The following SEMA5A variants were observed in gnomAD, a reference collection of about 807,000 sequenced individuals.
SEMA5A encodes the protein semaphorin-5A.
SEMA5A carries 55 observed loss-of-function variants against 135.5 expected under a neutral mutation model. The ratio of observed to expected loss-of-function variants is 0.41; its 90% CI spans 0.33 to 0.51. The LOEUF (loss-of-function observed/expected upper bound fraction) is 0.51, where lower values mean the gene tolerates loss of function less well. Among genes scored for constraint, SEMA5A ranks in the 20% least tolerant of loss-of-function variants. The pLI is 0.37. For missense variants in SEMA5A, 1,290 were observed against 1,419.9 expected (o/e 0.91, Z 1.47); for synonymous variants, 580 against 546.5 (o/e 1.06, Z -0.85).
In SEMA5A at chr5:9,122,637, C is replaced by A; in HGVS notation, c.1781+19G>T. 1.3e-6 allele frequency: 2 copies of A among 1,550,412 alleles called. No individual in the cohort carries two copies. Among genetic ancestry groups the A allele is most frequent in the Non-Finnish European group, 8.8e-7 (1 of 1,142,442 alleles). ...GTTTAATACACAGCAGCACAACTGG[C>A]GTGTTCTGAGCGGCACACCTGGAAC... On this transcript the variant is annotated intron_variant, in intron 14 of 22. Coordinates refer to ENST00000382496, the MANE Select transcript of SEMA5A (RefSeq NM_003966.3).
intron 12 of SEMA5A, among the ~76,000 whole-genome samples, chr5:9,148,596 C>T (rs1001522768): frequency 1.3e-5 from 2 of 152,144 alleles, no homozygotes; most frequent in Non-Finnish European, 2.9e-5. Flanking sequence ...GCTTTCTGCC[C>T]CTTCATATAC....
intron 2 of SEMA5A, among the ~76,000 whole-genome samples, chr5:9,426,244 T>C (rs1757643147): frequency 6.6e-6 from 1 of 151,744 alleles, no homozygotes; most frequent in Non-Finnish European, 1.5e-5. Flanking sequence ...AAGACCACGG[T>C]GAAACCCCGT....
chr5:9,402,748 G>A (rs1756715303), intron 2 of SEMA5A, among the ~76,000 whole-genome samples: 2 of 152,212 alleles, frequency 1.3e-5, no homozygotes, highest in African/African-American at 4.8e-5. Flanking sequence ...TACACCATCA[G>A]AACTGTATTA....
intron 11 of SEMA5A, among the ~76,000 whole-genome samples, chr5:9,182,132 C>T (rs1307816944): frequency 1.3e-5 from 2 of 149,320 alleles, no homozygotes; most frequent in Admixed American, 6.7e-5. Context: ...AATGCAACTG[C>T]TTGTTTTATT....
rs1735697341 is a variant in SEMA5A at position 9,037,191 on chromosome 5, GC to G, written c.*5705del. 6.6e-6 allele frequency: 1 copy of G among 152,152 alleles called. No individual in the cohort carries two copies. The highest frequency in any genetic ancestry group is 1.5e-5 in the Non-Finnish European group (1 of 68,026). The allele number at this position is 152,152 out of a possible 1,614,324, so 9.4% of individuals were successfully genotyped here. A position where few individuals can be genotyped will look rare whatever the true frequency, so the allele number is the denominator to read the frequency against. On this transcript the variant is annotated 3_prime_UTR_variant, in exon 23 of 23. Coordinates refer to ENST00000382496, the MANE Select transcript of SEMA5A (RefSeq NM_003966.3). The stretch of plus-strand genomic sequence containing the variant: ...CTTTCCTCTTTCCAGATCTGAAAGT[GC>G]CCTTGACTAGTTCCTGCCATTGCGC...
At chr5:9,152,695 T>C (rs1742695146) in intron 12 of SEMA5A, among the ~76,000 whole-genome samples, 1 of 152,222 alleles carries the variant, frequency 6.6e-6, no homozygotes, top group Non-Finnish European at 1.5e-5. Context: ...CTCTATATAT[T>C]ATCCTATTTG....
intron 1 of SEMA5A, among the ~76,000 whole-genome samples, chr5:9,461,793 TA>T (rs1416836891): frequency 6.6e-6 from 1 of 152,228 alleles, no homozygotes; most frequent in African/African-American, 2.4e-5. Context: ...TTCTTTTATT[TA>T]AAAAACTATG....
chr5:9,074,894 A>C (rs549649458), intron 16 of SEMA5A, among the ~76,000 whole-genome samples: 18 of 152,188 alleles, frequency 1.2e-4, no homozygotes, highest in African/African-American at 4.3e-4. Context: ...AGCCACCCCA[A>C]ATAAACACCT....
chr5:9,213,488 C>T (rs1211449521), intron 8 of SEMA5A, among the ~76,000 whole-genome samples: 2 of 152,122 alleles, frequency 1.3e-5, no homozygotes, highest in Admixed American at 1.3e-4. Context: ...GGCTTGGGTT[C>T]CATTAAGAAG....
intron 3 of SEMA5A, among the ~76,000 whole-genome samples, chr5:9,374,357 C>T (rs559976074): frequency 6.9e-4 from 102 of 147,444 alleles, no homozygotes; most frequent in African/African-American, 2.5e-3. Flanking sequence ...GAAGACGTTC[C>T]GTTACCATCC....
In SEMA5A at chr5:9,154,664, G is replaced by A. The variant is rs768618672; in HGVS notation, c.1305C>T (p.Pro435=). The change falls in exon 12 of 23, where the codon CCC becomes CCT. Residue 435 remains proline, a synonymous_variant. Coordinates refer to ENST00000382496, the MANE Select transcript of SEMA5A (RefSeq NM_003966.3). ...AACAGCTGCTTGAGGTCTGATTCAG[G>A]GGTACCCGCACTTTCTTAATGGTTC... ...DYGTIKKVRV[P]LNQTSSSCLL... The A allele has an allele frequency of 9.9e-6, 16 of 1,613,904 alleles. No homozygotes were observed. Among genetic ancestry groups the A allele is most frequent in the South Asian group, 2.2e-5 (2 of 91,066 alleles).
intron 17 of SEMA5A, among the ~76,000 whole-genome samples, 178 bp downstream of exon 17, chr5:9,066,243 G>C (rs988248097): frequency 6.6e-6 from 1 of 152,160 alleles, no homozygotes; most frequent in Non-Finnish European, 1.5e-5. Context: ...TTACAGTAAG[G>C]CTCCTTTCTT....
intron 1 of SEMA5A, among the ~76,000 whole-genome samples, chr5:9,537,504 C>A (rs1737835455): frequency 6.6e-6 from 1 of 152,184 alleles, no homozygotes. Context: ...ACCCCACTGC[C>A]ATCTAATCAG....
At chr5:9,044,800 T>G (rs1454801991) in intron 21 of SEMA5A, among the ~76,000 whole-genome samples, 1 of 152,044 alleles carries the variant, frequency 6.6e-6, no homozygotes, top group Non-Finnish European at 1.5e-5. Flanking sequence ...TTATTATTAT[T>G]TGAAATGGAG....
At chr5:9,451,351 G>A (rs1758638214) in intron 1 of SEMA5A, among the ~76,000 whole-genome samples, 1 of 152,160 alleles carries the variant, frequency 6.6e-6, no homozygotes, top group Non-Finnish European at 1.5e-5. Context: ...GCATTGTTGG[G>A]GAGATGACAA....
intron 6 of SEMA5A, among the ~76,000 whole-genome samples, chr5:9,236,993 A>G (rs1454397792): frequency 6.6e-6 from 1 of 152,166 alleles, no homozygotes. Flanking sequence ...TGCATTTGCT[A>G]TATTTTTTTC....
chr5:9,443,185 G>A (rs377506110), intron 1 of SEMA5A, among the ~76,000 whole-genome samples: 12 of 152,180 alleles, frequency 7.9e-5, no homozygotes, highest in African/African-American at 1.7e-4. Flanking sequence ...TGGATAAATC[G>A]ACAGTGGACA....
intron 2 of SEMA5A, among the ~76,000 whole-genome samples, chr5:9,401,265 A>G (rs1312370959): frequency 6.6e-6 from 1 of 152,128 alleles, no homozygotes; most frequent in Non-Finnish European, 1.5e-5. Flanking sequence ...GCCTGGACCT[A>G]TTTCTTCCAC....
At chr5:9,512,527 C>A (rs985556415) in intron 1 of SEMA5A, among the ~76,000 whole-genome samples, 2 of 151,510 alleles carry the variant, frequency 1.3e-5, no homozygotes, top group Admixed American at 6.6e-5. Flanking sequence ...TCCTTTCTAT[C>A]TTTTTTTTTC....
Sources: allele counts gnomAD v4.1 joint callset (sites outside exome capture counted in the v4.1 genomes callset), GRCh38; gene constraint gnomAD v4.1.1; transcripts MANE v1.5; gene names NCBI Gene and HGNC (gene_info 2026-07-23, HGNC 2026-07-21).